KIAA0825: variants seen among roughly 807,000 people sequenced by gnomAD.
KIAA0825 encodes uncharacterized protein KIAA0825.
In KIAA0825, 119 loss-of-function variants were observed where a neutral mutation model predicts 147.6. The ratio of observed to expected loss-of-function variants is 0.81; its 90% CI spans 0.69 to 0.94. The LOEUF (loss-of-function observed/expected upper bound fraction) is 0.94, where lower values mean the gene tolerates loss of function less well. Ranked by LOEUF, KIAA0825 falls within the 40% of genes least tolerant of loss-of-function variation. KIAA0825 has a pLI of 0.00. For synonymous variants in KIAA0825, 470 were observed against 518.1 expected, an observed-to-expected ratio of 0.91 and a Z score of 1.26; for missense variants, 1,381 against 1,472.7, an observed-to-expected ratio of 0.94 and a Z score of 1.02.
intron 5 of KIAA0825, among the ~76,000 whole-genome samples, chr5:94,494,805 TAA>T (rs1292894320): frequency 3.3e-5 from 5 of 152,308 alleles, no homozygotes; most frequent in African/African-American, 9.6e-5. Context: ...TACTATAGCC[TAA>T]GATTGAACCT....
Position 94,372,162 on chromosome 5 carries a change from A to G in KIAA0825, c.3710+12206T>C, listed in dbSNP as rs567400462. On this transcript the variant is annotated intron_variant, in intron 20 of 20. Coordinates refer to ENST00000682413, the MANE Select transcript of KIAA0825 (RefSeq NM_001145678.3). Reference sequence around the variant, plus strand: ...CTCTGCTTCTGTGGGTTTGAAGGATATAGCCCCCCTCCTGGCTGCTTTCAC... The same window carrying G: ...CTCTGCTTCTGTGGGTTTGAAGGATGTAGCCCCCCTCCTGGCTGCTTTCAC... 6.1e-4 allele frequency among the ~76,000 whole-genome samples: 93 copies of G among 152,232 alleles called. 1 individual carries two copies. Among genetic ancestry groups the G allele is most frequent in the Admixed American group, 1.5e-3 (23 of 15,288 alleles).
At chr5:94,557,407 C>CTTTTTTTTTTTTTT (rs77735800) in intron 2 of KIAA0825, among the ~76,000 whole-genome samples, 1 of 138,962 alleles carries the variant, frequency 7.2e-6, no homozygotes. Flanking sequence ...AGGCTCCTTT[C>CTTTTTTTTTTTTTT]TTTTTTTTTT....
chr5:94,494,184 A>T (rs143298127), intron 5 of KIAA0825, among the ~76,000 whole-genome samples: 14 of 152,282 alleles, frequency 9.2e-5, no homozygotes, highest in African/African-American at 3.4e-4. Flanking sequence ...CTGCTCAATG[A>T]TAACAAAATT....
chr5:94,495,253 T>G (rs1476992113), intron 5 of KIAA0825, among the ~76,000 whole-genome samples: 1 of 152,224 alleles, frequency 6.6e-6, no homozygotes, highest in African/African-American at 2.4e-5. Context: ...AAGACGTGTC[T>G]CAGGTGTGAT....
At chr5:94,157,271 T>C (rs1257145293) in intron 20 of KIAA0825, among the ~76,000 whole-genome samples, 2 of 152,164 alleles carry the variant, frequency 1.3e-5, no homozygotes, top group African/African-American at 4.8e-5. Flanking sequence ...ATAGAAGAAT[T>C]GCAACCTGGC....
chr5:94,321,622 T>C (rs1379532536), intron 20 of KIAA0825, among the ~76,000 whole-genome samples: 3 of 151,944 alleles, frequency 2.0e-5, no homozygotes, highest in Non-Finnish European at 4.4e-5. Context: ...AAAATGTACA[T>C]TAGTTAGTAA....
At chr5:94,271,715 C>T (rs147662130) in intron 20 of KIAA0825, among the ~76,000 whole-genome samples, 17 of 152,112 alleles carry the variant, frequency 1.1e-4, no homozygotes, top group Non-Finnish European at 2.4e-4. Context: ...CCACTGCACT[C>T]CAGCCTGGGT....
intron 14 of KIAA0825, among the ~76,000 whole-genome samples, chr5:94,418,386 T>G (rs1753744602): frequency 6.6e-6 from 1 of 152,248 alleles, no homozygotes; most frequent in East Asian, 1.9e-4. Context: ...CCATTTTCTT[T>G]CTTTTCAAAA....
chr5:94,276,682 A>C (rs551278510), intron 20 of KIAA0825, among the ~76,000 whole-genome samples: 1 of 152,120 alleles, frequency 6.6e-6, no homozygotes, highest in African/African-American at 2.4e-5. Context: ...TTGCTGGATA[A>C]TAAGAAATAG....
intron 12 of KIAA0825, among the ~76,000 whole-genome samples, chr5:94,457,823 A>G (rs920561427): frequency 6.6e-6 from 1 of 152,180 alleles, no homozygotes; most frequent in Non-Finnish European, 1.5e-5. Context: ...AACGGGTCTC[A>G]TAATACGATG....
intron 20 of KIAA0825, among the ~76,000 whole-genome samples, chr5:94,304,165 G>A (rs1778576817): frequency 6.6e-6 from 1 of 152,078 alleles, no homozygotes; most frequent in African/African-American, 2.4e-5. Flanking sequence ...TGTGGTGGAA[G>A]GAATACTGGG....
intron 5 of KIAA0825, among the ~76,000 whole-genome samples, chr5:94,508,865 G>A (rs1299169818): frequency 2.0e-5 from 3 of 152,174 alleles, no homozygotes; most frequent in Non-Finnish European, 4.4e-5. Flanking sequence ...GGAATTGCAT[G>A]TGTCTGACAC....
chr5:94,368,457 A>T (rs1746188176), intron 20 of KIAA0825, among the ~76,000 whole-genome samples: 1 of 152,154 alleles, frequency 6.6e-6, no homozygotes, highest in Non-Finnish European at 1.5e-5. Flanking sequence ...TACAGGTGTG[A>T]GCCACCACCC....
intron 2 of KIAA0825, among the ~76,000 whole-genome samples, chr5:94,574,387 A>G (rs1171263504): frequency 2.6e-5 from 4 of 151,968 alleles, no homozygotes; most frequent in Non-Finnish European, 5.9e-5. Context: ...CACTAAAAAT[A>G]TAAAAAATTA....
chr5:94,368,605 A>G (rs1187394952), intron 20 of KIAA0825, among the ~76,000 whole-genome samples: 2 of 152,208 alleles, frequency 1.3e-5, no homozygotes, highest in Non-Finnish European at 2.9e-5. Context: ...AGGAGAGGGC[A>G]CTGAATTTTG....
At chr5:94,443,062 A>G (rs996906358) in intron 13 of KIAA0825, among the ~76,000 whole-genome samples, 1 of 152,160 alleles carries the variant, frequency 6.6e-6, no homozygotes. Context: ...TATAAATAAA[A>G]TCTCTCATTT....
intron 3 of KIAA0825, among the ~76,000 whole-genome samples, chr5:94,525,579 A>C (rs1480941143): frequency 1.3e-5 from 2 of 151,932 alleles, no homozygotes; most frequent in Non-Finnish European, 2.9e-5. Context: ...TAACTTATGT[A>C]AGCACTTCTA....
At chr5:94,277,982 A>C (rs1462991222) in intron 20 of KIAA0825, among the ~76,000 whole-genome samples, 4 of 152,122 alleles carry the variant, frequency 2.6e-5, no homozygotes, top group Middle Eastern at 3.2e-3. Flanking sequence ...TGAAGCTGGA[A>C]ACCATCATCC....
chr5:94,345,821 C>T (rs534898225), intron 20 of KIAA0825, among the ~76,000 whole-genome samples: 2 of 152,138 alleles, frequency 1.3e-5, no homozygotes, highest in Admixed American at 6.5e-5. Context: ...CTCCAAAAAC[C>T]GAGCTCTCCG....
Sources: gnomAD v4.1 joint callset for allele counts (sites outside exome capture counted in the v4.1 genomes callset) on GRCh38, gnomAD v4.1.1 for gene constraint, MANE v1.5 for transcripts, NCBI Gene and HGNC (gene_info 2026-07-23, HGNC 2026-07-21) for gene names.